POGLUT2: variants seen among roughly 807,000 people sequenced by gnomAD.
POGLUT2 encodes the protein protein O-glucosyltransferase 2, also known as ER protein 58.
Under a neutral mutation model 57.6 loss-of-function variants are expected in POGLUT2, and 47 were observed. That is an observed-to-expected ratio of 0.82 (90% confidence interval 0.65 to 1.04). The LOEUF (loss-of-function observed/expected upper bound fraction) is 1.04, where lower values mean the gene tolerates loss of function less well. Among genes scored for constraint, POGLUT2 ranks in the 50% least tolerant of loss-of-function variants. POGLUT2 has a pLI of 0.00. For synonymous variants in POGLUT2, 200 were observed against 218.8 expected (o/e 0.91, Z 0.76); for missense variants, 565 against 614.8 (o/e 0.92, Z 0.86).
At chr13:102,793,151 G>A (rs1438133765) in intron 4 of POGLUT2, 190 bp downstream of exon 4, 8 of 536,014 alleles carry the variant, frequency 1.5e-5, no homozygotes, top group Non-Finnish European at 2.7e-5. Flanking sequence ...CTTCCAGTTT[G>A]TAGCACTTTG....
At chr13:102,797,294 G>T (rs777686731) in intron 1 of POGLUT2, among the ~76,000 whole-genome samples, 45 of 152,300 alleles carry the variant, frequency 3.0e-4, no homozygotes, top group Non-Finnish European at 3.8e-4. Flanking sequence ...ACATACTCAT[G>T]CATTCCATAT....
chr13:102,797,586 A>AATAAT (rs556962242), intron 1 of POGLUT2, among the ~76,000 whole-genome samples: 4,001 of 151,928 alleles, frequency 0.026, 62 homozygotes, highest in Non-Finnish European at 0.029. Flanking sequence ...ATAATAATAA[A>AATAAT]AAACAAATAG....
At position 102,789,020 on chromosome 13, in the gene POGLUT2, C is replaced by T. The variant is rs1878064809; in HGVS notation, c.1285G>A (p.Asp429Asn). ...LEKLKWAKDH[D>N]EEAKKIAKAG... The stretch of plus-strand genomic sequence containing the variant: ...AAGGGGACTAACCTTACCTCTTCAT[C>T]GTGATCTTTCGCCCATTTAAGTTTT... The change falls in exon 7 of 10, where the codon GAT (aspartate) becomes AAT (asparagine). Residue 429 changes from aspartate to asparagine, a missense_variant. By Grantham distance (23) the Asp-to-Asn change is conservative. Coordinates refer to ENST00000376004, the MANE Select transcript of POGLUT2 (RefSeq NM_024089.3). 23 of 1,613,212 alleles carry T rather than the reference C, an allele frequency of 1.4e-5. No homozygotes were observed. Among genetic ancestry groups the T allele is most frequent in the Middle Eastern group, 1.7e-4 (1 of 5,858 alleles).
chr13:102,793,590 A>T lies in POGLUT2; in HGVS notation c.594+11T>A. On this transcript the variant is annotated intron_variant, in intron 3 of 9. Transcript: ENST00000376004. ...CACTAAAACAAACAAGCAAAAAATC[A>T]TGTGTTGTACCTTGTTATCCTTTAA... 1 of 1,603,644 alleles carries T rather than the reference A, an allele frequency of 6.2e-7. No homozygotes were observed. Among genetic ancestry groups the T allele is most frequent in the Non-Finnish European group, 8.5e-7 (1 of 1,171,490 alleles).
chr13:102,786,612 C>T (rs1188364324), intron 8 of POGLUT2, among the ~76,000 whole-genome samples: 2 of 151,986 alleles, frequency 1.3e-5, no homozygotes, highest in African/African-American at 4.8e-5. Context: ...TTCTGCCTCA[C>T]AGTAAAAATA....
In POGLUT2 at chr13:102,796,952, C is replaced by T. The variant is rs1878421445; in HGVS notation, c.240G>A (p.Glu80=). The T allele has an allele frequency of 6.2e-7, 1 of 1,613,850 alleles. No individual in the cohort carries two copies. Among genetic ancestry groups the T allele is most frequent in the South Asian group, 1.1e-5 (1 of 91,068 alleles). Residue 80 remains glutamate (E), a synonymous_variant, in exon 2 of 10, where the codon GAG becomes GAA. Coordinates refer to ENST00000376004, the MANE Select transcript of POGLUT2 (RefSeq NM_024089.3). The part of the protein sequence containing the change: ...VFQVKVSAPE[E]QFTRVGVQVL... ...CCTGGACTCCAACTCTAGTGAATTGCTCCTCTGGTGCTGAGACTTTCACCT... is the reference window on the plus strand; with the variant it reads ...CCTGGACTCCAACTCTAGTGAATTGTTCCTCTGGTGCTGAGACTTTCACCT...
At position 102,796,803 on chromosome 13, in the gene POGLUT2, C is replaced by T. The variant is rs1363790691; in HGVS notation, c.388+1G>A. Reference sequence around the variant, plus strand: ...TGTTATAAAATTATATTCCAAATTACCTTTTAAAATATATGGGGATTTGGC... The same window carrying T: ...TGTTATAAAATTATATTCCAAATTATCTTTTAAAATATATGGGGATTTGGC... On this transcript the variant is annotated splice_donor_variant, in intron 2 of 9. Transcript: ENST00000376004. LOFTEE classifies it high-confidence loss of function. 1 of 1,518,584 alleles carries T rather than the reference C, an allele frequency of 6.6e-7. No individual in the cohort carries two copies. Among genetic ancestry groups the T allele is most frequent in the Non-Finnish European group, 9.1e-7 (1 of 1,097,682 alleles). The allele number at this position is 1,518,584 out of a possible 1,614,324, so 94.1% of individuals were successfully genotyped here.
chr13:102,790,530 T>G (rs756613406), intron 6 of POGLUT2, among the ~76,000 whole-genome samples: 1 of 152,210 alleles, frequency 6.6e-6, no homozygotes, highest in Non-Finnish European at 1.5e-5. Flanking sequence ...AACAAGTAGT[T>G]TATATCTTCC....
chr13:102,786,912 C>T (rs937346706), intron 8 of POGLUT2, among the ~76,000 whole-genome samples: 5 of 152,166 alleles, frequency 3.3e-5, no homozygotes, highest in African/African-American at 7.2e-5. Context: ...GCCAGAAATA[C>T]ACCAACTTTG....
At chr13:102,791,483 A>C in intron 4 of POGLUT2, 53 bp from the exon 5 acceptor site, 1 of 1,452,840 alleles carries the variant, frequency 6.9e-7, no homozygotes, top group Non-Finnish European at 9.3e-7. Context: ...TGGATAATAC[A>C]TTGTATTTAT....
chr13:102,795,217 A>G (rs1309586228), intron 2 of POGLUT2, among the ~76,000 whole-genome samples: 7 of 142,502 alleles, frequency 4.9e-5, no homozygotes, highest in African/African-American at 1.6e-4. Context: ...GCACCACTGC[A>G]CTCTAGGCTA....
chr13:102,793,662 T>C lies in POGLUT2; in HGVS notation c.533A>G (p.Glu178Gly). The C allele has an allele frequency of 1.2e-6, 2 of 1,614,196 alleles. No individual in the cohort carries two copies. The highest frequency in any genetic ancestry group is 1.7e-6 in the Non-Finnish European group (2 of 1,180,046). The change falls in exon 3 of 10, where the codon GAA (glutamate) becomes GGA (glycine). Residue 178 changes from glutamate to glycine, a missense_variant. Transcript: ENST00000376004. Reference sequence around the variant, plus strand: ...CCTCTGTCCAAATCTTTTTGGGATTTCTACTGCAATCTTTTCTGGATCCAC... The same window carrying C: ...CCTCTGTCCAAATCTTTTTGGGATTCCTACTGCAATCTTTTCTGGATCCAC... Reference protein sequence around the residue: ...PAVDPEKIAVEIPKRFGQRQS... With the variant: ...PAVDPEKIAVGIPKRFGQRQS...
At chr13:102,796,361 T>C (rs1172928029) in intron 2 of POGLUT2, among the ~76,000 whole-genome samples, 2 of 146,082 alleles carry the variant, frequency 1.4e-5, no homozygotes, top group African/African-American at 2.5e-5. Context: ...TCTGGGAAAA[T>C]GGCATTGGAA....
chr13:102,792,853 G>A (rs961831107), intron 4 of POGLUT2, among the ~76,000 whole-genome samples: 2 of 152,156 alleles, frequency 1.3e-5, no homozygotes, highest in African/African-American at 4.8e-5. Flanking sequence ...GAGTGCAGTG[G>A]CGTGATCTCG....
chr13:102,796,918 G>C lies in POGLUT2; in HGVS notation c.274C>G (p.Arg92Gly), dbSNP rs758737818. ...FTRVGVQVLD[R>G]KDGSFIVRYR... ...CTTACTATGAAGGACCCATCTTTTCGGTCTAAAACCTGGACTCCAACTCTA... is the reference window on the plus strand; with the variant it reads ...CTTACTATGAAGGACCCATCTTTTCCGTCTAAAACCTGGACTCCAACTCTA... Residue 92 changes from arginine (R) to glycine (G), a missense_variant, in exon 2 of 10, where the codon CGA becomes GGA. Transcript: ENST00000376004. 3 of 1,611,948 alleles carry C rather than the reference G, an allele frequency of 1.9e-6. No homozygotes were observed. The highest frequency in any genetic ancestry group is 4.5e-5 in the East Asian group (2 of 44,854).
chr13:102,795,495 C>T lies in POGLUT2; in HGVS notation c.388+1309G>A, dbSNP rs1166717760. On this transcript the variant is annotated intron_variant, in intron 2 of 9. Coordinates refer to ENST00000376004, the MANE Select transcript of POGLUT2 (RefSeq NM_024089.3). ...GGAGGATTGCTTGAACCCAGGAGGTCGAGGCTGCAGTAAGCAGTGATTGCA... is the reference window on the plus strand; with the variant it reads ...GGAGGATTGCTTGAACCCAGGAGGTTGAGGCTGCAGTAAGCAGTGATTGCA... Among the ~76,000 whole-genome samples, 2 of 151,758 alleles carry T rather than the reference C, an allele frequency of 1.3e-5. 1 individual carries two copies. The highest frequency in any genetic ancestry group is 4.2e-4 in the South Asian group (2 of 4,808).
intron 4 of POGLUT2, 143 bp from the exon 5 acceptor site, chr13:102,791,573 T>C: frequency 1.2e-6 from 1 of 802,684 alleles, no homozygotes; most frequent in African/African-American, 1.7e-5. Flanking sequence ...GTTTGAATAG[T>C]GGGCAATGTT....
chr13:102,785,345 A>G (rs1480570615), intron 9 of POGLUT2, among the ~76,000 whole-genome samples: 1 of 152,106 alleles, frequency 6.6e-6, no homozygotes, highest in Non-Finnish European at 1.5e-5. Flanking sequence ...GGTAGACATA[A>G]TAATTGCCAA....
Position 102,793,379 on chromosome 13 carries a change from T to C in POGLUT2, c.634A>G (p.Ile212Val), listed in dbSNP as rs759977408. 4 of 1,589,256 alleles carry C rather than the reference T, an allele frequency of 2.5e-6. No homozygotes were observed. The East Asian group carries it at 8.9e-5, about 35-fold the overall frequency. Residue 212 changes from isoleucine to valine, a missense_variant, in exon 4 of 10, where the codon ATT becomes GTT. Transcript: ENST00000376004. The part of the protein sequence containing the change: ...KTHGEHVGFR[I>V]FMDAILLSLT... ...GAAAGTAGTATGGCATCCATGAAAA[T>C]TCTAAAACCTACATGTTCACCATGA...
Sources: gnomAD v4.1 joint callset for allele counts (sites outside exome capture counted in the v4.1 genomes callset) on GRCh38, gnomAD v4.1.1 for gene constraint, MANE v1.5 for transcripts, NCBI Gene and HGNC (gene_info 2026-07-23, HGNC 2026-07-21) for gene names.